Variants in CSMD1 observed in about 807,000 individuals in gnomAD.
The protein encoded by CSMD1 is CUB and Sushi multiple domains 1, also known as CUB and sushi domain-containing protein 1.
Under a neutral mutation model 417.5 loss-of-function variants are expected in CSMD1, and 213 were observed. That is an observed-to-expected ratio of 0.51 (90% CI 0.46 to 0.57). The LOEUF is 0.57. Among genes scored for constraint, CSMD1 ranks in the 20% least tolerant of loss-of-function variants. The pLI is 0.00. For missense variants in CSMD1, 6,923 were observed against 4,529.7 expected, an observed-to-expected ratio of 1.53 and a Z score of -15.17; for synonymous variants, 2,862 against 1,736.8, an observed-to-expected ratio of 1.65 and a Z score of -16.11.
chr8:3,238,690 G>T (rs934107857), intron 26 of CSMD1, among the ~76,000 whole-genome samples: 1 of 152,088 alleles, frequency 6.6e-6, no homozygotes, highest in Non-Finnish European at 1.5e-5. Context: ...AAACTAAACG[G>T]AATAAGAGGA....
chr8:3,524,768 A>G (rs533759798), intron 10 of CSMD1, among the ~76,000 whole-genome samples: 238 of 151,966 alleles, frequency 1.6e-3, no homozygotes, highest in Non-Finnish European at 2.5e-3. Context: ...ACATGCACAT[A>G]TGCAAGTGCA....
chr8:3,740,946 T>G (rs1056731603), intron 6 of CSMD1, among the ~76,000 whole-genome samples: 27 of 152,090 alleles, frequency 1.8e-4, no homozygotes, highest in African/African-American at 6.5e-4. Flanking sequence ...CCAGGGGTAG[T>G]GGCTCACACC....
At position 3,257,382 on chromosome 8, in the gene CSMD1, A is replaced by G. The variant is rs549638606; in HGVS notation, c.4153+26762T>C. On this transcript the variant is annotated intron_variant, in intron 26 of 69. Coordinates refer to ENST00000635120, the MANE Select transcript of CSMD1 (RefSeq NM_033225.6). The stretch of plus-strand genomic sequence containing the variant: ...CATGTCAGTTCTACTCACTTGGGAC[A>G]CATCAATCAACAAATTAGGATCTCT... Among the ~76,000 whole-genome samples the G allele has an allele frequency of 2.6e-5, 4 of 152,380 alleles. No individual in the cohort carries two copies. The South Asian group carries it at 8.3e-4, about 32-fold the overall frequency.
At chr8:3,736,057 G>C (rs1417829273) in intron 6 of CSMD1, among the ~76,000 whole-genome samples, 2 of 152,052 alleles carry the variant, frequency 1.3e-5, no homozygotes, top group African/African-American at 2.4e-5. Context: ...CCTAAAGCAG[G>C]TGTGAAGGAG....
At chr8:3,801,349 C>G (rs1033010428) in intron 5 of CSMD1, among the ~76,000 whole-genome samples, 4 of 151,844 alleles carry the variant, frequency 2.6e-5, no homozygotes, top group Admixed American at 6.6e-5. Context: ...GCCAATAAGC[C>G]CATGAAAAGA....
intron 3 of CSMD1, among the ~76,000 whole-genome samples, chr8:4,392,464 CA>C (rs1400552547): frequency 1.3e-5 from 2 of 152,036 alleles, no homozygotes; most frequent in Non-Finnish European, 1.5e-5. Flanking sequence ...ATTATCAGTC[CA>C]TTGGCATCAA....
At chr8:4,830,800 G>A (rs1279235347) in intron 1 of CSMD1, among the ~76,000 whole-genome samples, 1 of 152,194 alleles carries the variant, frequency 6.6e-6, no homozygotes, top group Non-Finnish European at 1.5e-5. Flanking sequence ...GCAGCCTACT[G>A]TGAGGTTAAT....
intron 33 of CSMD1, among the ~76,000 whole-genome samples, chr8:3,192,414 G>A (rs1382489007): frequency 6.6e-6 from 1 of 152,152 alleles, no homozygotes; most frequent in Non-Finnish European, 1.5e-5. Flanking sequence ...TCTAATACAT[G>A]CTTTATACAC....
intron 1 of CSMD1, among the ~76,000 whole-genome samples, chr8:4,746,337 G>C (rs1198246069): frequency 6.6e-6 from 1 of 152,182 alleles, no homozygotes; most frequent in South Asian, 2.1e-4. Flanking sequence ...TAGGCACTTT[G>C]GCAGGGGTTC....
chr8:3,851,630 G>T (rs1166908504), intron 5 of CSMD1, among the ~76,000 whole-genome samples: 1 of 152,126 alleles, frequency 6.6e-6, no homozygotes, highest in African/African-American at 2.4e-5. Context: ...AACATCCATT[G>T]CTAACTTAAG....
chr8:3,175,567 T>G (rs1270318436), intron 37 of CSMD1, among the ~76,000 whole-genome samples: 33 of 142,536 alleles, frequency 2.3e-4, no homozygotes, highest in African/African-American at 6.0e-4. Flanking sequence ...CTCCCTGCCT[T>G]CCTTCCTTCC....
At chr8:3,197,797 T>A (rs1015605691) in intron 33 of CSMD1, among the ~76,000 whole-genome samples, 3 of 152,212 alleles carry the variant, frequency 2.0e-5, no homozygotes, top group Non-Finnish European at 2.9e-5. Flanking sequence ...GGAACTACTG[T>A]CTTTCAAGAA....
At chr8:4,236,614 C>T (rs768511037) in intron 3 of CSMD1, among the ~76,000 whole-genome samples, 1 of 152,096 alleles carries the variant, frequency 6.6e-6, no homozygotes. Flanking sequence ...GGTTCTAAAC[C>T]TACCTCTTAA....
At chr8:4,580,609 T>A (rs1237349707) in intron 2 of CSMD1, among the ~76,000 whole-genome samples, 1 of 152,082 alleles carries the variant, frequency 6.6e-6, no homozygotes, top group Non-Finnish European at 1.5e-5. Flanking sequence ...ATAACTGCTC[T>A]CTCCCCTCCT....
At chr8:4,577,680 G>C (rs1489073257) in intron 2 of CSMD1, among the ~76,000 whole-genome samples, 1 of 152,174 alleles carries the variant, frequency 6.6e-6, no homozygotes, top group Non-Finnish European at 1.5e-5. Flanking sequence ...AATGCTAAGA[G>C]AGGACAAATT....
chr8:3,623,209 T>C (rs931961593), intron 7 of CSMD1, among the ~76,000 whole-genome samples: 1 of 152,238 alleles, frequency 6.6e-6, no homozygotes, highest in Non-Finnish European at 1.5e-5. Flanking sequence ...CAATGACTTT[T>C]TCAAAGCATG....
chr8:3,889,095 T>C (rs919947401), intron 5 of CSMD1, among the ~76,000 whole-genome samples: 2 of 152,100 alleles, frequency 1.3e-5, no homozygotes, highest in South Asian at 2.1e-4. Context: ...GACCAATTCA[T>C]TGGTTGCTGC....
At chr8:4,852,693 G>C (rs1453302028) in intron 1 of CSMD1, among the ~76,000 whole-genome samples, 1 of 152,174 alleles carries the variant, frequency 6.6e-6, no homozygotes, top group Non-Finnish European at 1.5e-5. Flanking sequence ...AAGACGACAG[G>C]AAGATGAGGG....
chr8:3,708,815 T>G (rs1291709136), intron 6 of CSMD1, among the ~76,000 whole-genome samples: 1 of 152,202 alleles, frequency 6.6e-6, no homozygotes, highest in Non-Finnish European at 1.5e-5. Context: ...CCCAAATTGT[T>G]CAGGCAGATC....
Sources: allele counts gnomAD v4.1 joint callset (sites outside exome capture counted in the v4.1 genomes callset), GRCh38; gene constraint gnomAD v4.1.1; transcripts MANE v1.5; gene names NCBI Gene and HGNC (gene_info 2026-07-23, HGNC 2026-07-21).